Variants in KDM2A observed in about 807,000 individuals in gnomAD.
KDM2A encodes lysine demethylase 2A, also known as lysine-specific demethylase 2A.
In KDM2A, 3 loss-of-function variants were observed where a neutral mutation model predicts 137.3. That is an observed-to-expected ratio of 0.02 (90% CI 0.01 to 0.06). The LOEUF is 0.06. Among genes scored for constraint, KDM2A ranks in the 10% least tolerant of loss-of-function variants. KDM2A has a pLI of 1.00. For missense variants in KDM2A, 738 were observed against 1,510.6 expected, an observed-to-expected ratio of 0.49 and a Z score of 8.48; for synonymous variants, 512 against 541.5, an observed-to-expected ratio of 0.95 and a Z score of 0.76.
At chr11:67,234,121 A>G (rs557348653) in intron 12 of KDM2A, among the ~76,000 whole-genome samples, 7 of 152,366 alleles carry the variant, frequency 4.6e-5, no homozygotes, top group African/African-American at 1.7e-4. Flanking sequence ...AAATAGATTA[A>G]TTATTCCTAT....
chr11:67,168,951 GTTTTTT>G (rs11335055), intron 2 of KDM2A, among the ~76,000 whole-genome samples: 3 of 62,230 alleles, frequency 4.8e-5, no homozygotes, highest in African/African-American at 6.1e-5. Flanking sequence ...AATCCATGTA[GTTTTTT>G]TTTTTTTTTT....
chr11:67,230,040 G>A (rs1858663403), intron 11 of KDM2A, among the ~76,000 whole-genome samples: 1 of 152,078 alleles, frequency 6.6e-6, no homozygotes, highest in Admixed American at 6.6e-5. Context: ...GCTAGACGTG[G>A]TGGCAGGCAC....
At chr11:67,202,904 A>G (rs1857677122) in intron 5 of KDM2A, among the ~76,000 whole-genome samples, 1 of 151,866 alleles carries the variant, frequency 6.6e-6, no homozygotes, top group African/African-American at 2.4e-5. Flanking sequence ...CTAAGGTGGA[A>G]GGATTACCAG....
intron 6 of KDM2A, among the ~76,000 whole-genome samples, chr11:67,213,526 G>A (rs1467000506): frequency 1.3e-5 from 2 of 152,206 alleles, no homozygotes; most frequent in Middle Eastern, 3.4e-3. Flanking sequence ...GTGGGGCTGA[G>A]GCTGGTGGAT....
At chr11:67,221,001 C>T (rs377757335) in intron 10 of KDM2A, among the ~76,000 whole-genome samples, 4 of 148,028 alleles carry the variant, frequency 2.7e-5, no homozygotes, top group African/African-American at 9.9e-5. Context: ...TACGTCAGCA[C>T]ATTACCTGTC....
At chr11:67,160,099 T>C (rs1000095289) in intron 2 of KDM2A, among the ~76,000 whole-genome samples, 3 of 152,198 alleles carry the variant, frequency 2.0e-5, no homozygotes, top group Non-Finnish European at 4.4e-5. Flanking sequence ...GCCTCTTCCC[T>C]GATAATTTTT....
At chr11:67,196,603 C>T (rs1389077836) in intron 5 of KDM2A, 1 of 375,794 alleles carries the variant, frequency 2.7e-6, no homozygotes, top group Non-Finnish European at 5.3e-6. Flanking sequence ...AGGACTTATG[C>T]TAAGTGAAAT....
At chr11:67,243,460 G>A (rs139616211) in intron 13 of KDM2A, 648 of 163,940 alleles carry the variant, frequency 4.0e-3, no homozygotes, top group Middle Eastern at 6.1e-3. Context: ...TTTCTTTGAC[G>A]TAGTGAGATC....
At chr11:67,137,214 A>G (rs1315178244) in intron 2 of KDM2A, among the ~76,000 whole-genome samples, 2 of 152,230 alleles carry the variant, frequency 1.3e-5, no homozygotes, top group Non-Finnish European at 1.5e-5. Context: ...AGTGAAGGAG[A>G]GAGTTAAAAT....
At chr11:67,177,090 T>C (rs1856986579) in intron 2 of KDM2A, among the ~76,000 whole-genome samples, 1 of 152,074 alleles carries the variant, frequency 6.6e-6, no homozygotes, top group African/African-American at 2.4e-5. Flanking sequence ...AAACCCTGTC[T>C]CTACAAAAAT....
intron 5 of KDM2A, among the ~76,000 whole-genome samples, chr11:67,198,667 G>A (rs1419865777): frequency 1.3e-5 from 2 of 148,158 alleles, no homozygotes; most frequent in Non-Finnish European, 3.0e-5. Context: ...CTGAGATCCC[G>A]CCACTGCACT....
chr11:67,176,726 T>C (rs1005976565), intron 2 of KDM2A, among the ~76,000 whole-genome samples: 6 of 152,174 alleles, frequency 3.9e-5, no homozygotes, highest in Admixed American at 3.3e-4. Flanking sequence ...TAGGCAGTTA[T>C]AGCATGCCAG....
chr11:67,156,718 CAAAAAAA>C (rs56973148), intron 2 of KDM2A, among the ~76,000 whole-genome samples: 6 of 90,892 alleles, frequency 6.6e-5, no homozygotes, highest in African/African-American at 2.0e-4. Flanking sequence ...GACTCCATCT[CAAAAAAA>C]AAAAAAAAAA....
chr11:67,236,156 A>G (rs1858865368), intron 12 of KDM2A, among the ~76,000 whole-genome samples: 1 of 151,956 alleles, frequency 6.6e-6, no homozygotes, highest in Non-Finnish European at 1.5e-5. Flanking sequence ...TTTGAGATGA[A>G]GTCTTGCTCT....
chr11:67,196,066 TC>T, intron 5 of KDM2A: 1 of 398,906 alleles, frequency 2.5e-6, no homozygotes, highest in South Asian at 1.9e-5. Context: ...ACCCACCCCA[TC>T]CCAGTTAAGC....
chr11:67,253,462 ACCT>A lies in KDM2A; in HGVS notation c.2949_2951del (p.Leu984del). ...ATTCCATCCATTGCAGGACTGAAAG[ACCT>A]CCTCCTAGCAGGCTGCTCCTGGTCT... On this transcript the variant is annotated inframe_deletion, in exon 19 of 21. Transcript: ENST00000529006. 1 of 1,613,194 alleles carries A rather than the reference ACCT, an allele frequency of 6.2e-7. No homozygotes were observed. The highest frequency in any genetic ancestry group is 8.5e-7 in the Non-Finnish European group (1 of 1,179,546).
At chr11:67,124,929 C>T (rs1258182170) in intron 2 of KDM2A, among the ~76,000 whole-genome samples, 3 of 148,104 alleles carry the variant, frequency 2.0e-5, no homozygotes, top group African/African-American at 7.5e-5. Context: ...TCGATCTTGG[C>T]TCACTGCAAG....
At chr11:67,232,083 T>C in intron 12 of KDM2A, 123 bp downstream of exon 12, 1 of 887,716 alleles carries the variant, frequency 1.1e-6, no homozygotes, top group Non-Finnish European at 1.7e-6. Context: ...GAAGTTAATA[T>C]GCATGTGTGT....
intron 12 of KDM2A, among the ~76,000 whole-genome samples, chr11:67,240,871 A>G (rs1305712658): frequency 6.6e-6 from 1 of 152,076 alleles, no homozygotes; most frequent in Admixed American, 6.6e-5. Context: ...ATTTCCCTCC[A>G]CACCCACACA....
Sources: gnomAD v4.1 joint callset for allele counts (sites outside exome capture counted in the v4.1 genomes callset) on GRCh38, gnomAD v4.1.1 for gene constraint, MANE v1.5 for transcripts, NCBI Gene and HGNC (gene_info 2026-07-23, HGNC 2026-07-21) for gene names.